The following PDE1C variants were observed in gnomAD, a reference collection of about 807,000 sequenced individuals.
The protein encoded by PDE1C is phosphodiesterase 1C.
A neutral mutation model predicts 93.1 loss-of-function variants in PDE1C; 62 were observed. The ratio of observed to expected loss-of-function variants is 0.67; its 90% CI spans 0.54 to 0.82. The LOEUF is 0.82. Ranked by LOEUF, PDE1C falls within the 40% of genes least tolerant of loss-of-function variation. The pLI, the probability that PDE1C is intolerant of heterozygous loss-of-function variation, is 0.00. For missense variants in PDE1C, 742 were observed against 884.6 expected (o/e 0.84, Z 2.04); for synonymous variants, 325 against 310.1 (o/e 1.05, Z -0.50).
chr7:32,022,331 A>G (rs1195408724), intron 2 of PDE1C, among the ~76,000 whole-genome samples: 1 of 152,136 alleles, frequency 6.6e-6, no homozygotes, highest in Admixed American at 6.6e-5. Context: ...TTAAAGGGCC[A>G]CAGACACAAT....
the PDE1C span, chr7:31,658,292 TG>T: frequency 6.7e-7 from 1 of 1,502,112 alleles, no homozygotes; most frequent in South Asian, 1.3e-5. Context: ...TCTGCAGAGC[TG>T]GATCCCTTTT....
At chr7:32,085,738 A>G (rs1356264417) in intron 3 of PDE1C, among the ~76,000 whole-genome samples, 2 of 151,836 alleles carry the variant, frequency 1.3e-5, no homozygotes, top group Admixed American at 6.6e-5. Flanking sequence ...TATAAACAGA[A>G]CCAAAGACAA....
intron 1 of PDE1C, among the ~76,000 whole-genome samples, chr7:32,234,500 T>C (rs1807934574): frequency 6.6e-6 from 1 of 152,044 alleles, no homozygotes; most frequent in African/African-American, 2.4e-5. Flanking sequence ...TGTATGCACA[T>C]AAGTTTCACA....
chr7:31,679,298 G>A, the PDE1C span, among the ~76,000 whole-genome samples: 4 of 152,116 alleles, frequency 2.6e-5, no homozygotes, highest in Non-Finnish European at 5.9e-5. Flanking sequence ...GTTTCCCACT[G>A]GGCTTTATGA....
At chr7:31,831,385 A>T (rs1468047662) in intron 11 of PDE1C, among the ~76,000 whole-genome samples, 3 of 152,156 alleles carry the variant, frequency 2.0e-5, no homozygotes, top group Non-Finnish European at 2.9e-5. Context: ...AATGCTGTAA[A>T]TATCAGAGAG....
chr7:31,855,924 T>A (rs1240091944), intron 7 of PDE1C, among the ~76,000 whole-genome samples: 3 of 151,896 alleles, frequency 2.0e-5, no homozygotes, highest in Non-Finnish European at 4.4e-5. Context: ...GAGCTTAGAA[T>A]CTAATGAACA....
intron 3 of PDE1C, among the ~76,000 whole-genome samples, chr7:32,127,866 C>CT (rs1799675205): frequency 6.6e-6 from 1 of 151,904 alleles, no homozygotes; most frequent in Non-Finnish European, 1.5e-5. Flanking sequence ...CAAAGATACT[C>CT]TAAGTTTTAC....
chr7:31,695,381 C>A, the PDE1C span: 1 of 1,241,442 alleles, frequency 8.1e-7, no homozygotes, highest in African/African-American at 1.5e-5. Flanking sequence ...TCTGTCCTGT[C>A]ATCAAGTGCA....
chr7:31,809,815 A>G (rs1787332739), intron 15 of PDE1C, among the ~76,000 whole-genome samples: 1 of 152,094 alleles, frequency 6.6e-6, no homozygotes, highest in African/African-American at 2.4e-5. Flanking sequence ...CTTCTCTCTC[A>G]GTCAAAAATC....
At chr7:31,629,151 AT>A in the PDE1C span, among the ~76,000 whole-genome samples, 1 of 152,216 alleles carries the variant, frequency 6.6e-6, no homozygotes, top group Non-Finnish European at 1.5e-5. Context: ...CTAAATTAAA[AT>A]TTGTCATTGC....
intron 17 of PDE1C, among the ~76,000 whole-genome samples, chr7:31,761,027 C>T (rs1794800923): frequency 1.8e-5 from 1 of 57,066 alleles, no homozygotes; most frequent in African/African-American, 7.3e-5. Flanking sequence ...AGATTTGATC[C>T]TGTGATTTTC....
At chr7:31,858,119 G>A (rs1183483601) in intron 7 of PDE1C, among the ~76,000 whole-genome samples, 1 of 152,172 alleles carries the variant, frequency 6.6e-6, no homozygotes, top group East Asian at 1.9e-4. Flanking sequence ...AGGTCTAAGA[G>A]AAGTGCCAGA....
At chr7:32,303,776 A>G (rs1183610456), upstream of PDE1C, among the ~76,000 whole-genome samples, 2 of 152,156 alleles carry the variant, frequency 1.3e-5, no homozygotes, top group African/African-American at 2.4e-5. Flanking sequence ...TGTTCATTCA[A>G]CTTTTTTTGA....
intron 2 of PDE1C, among the ~76,000 whole-genome samples, chr7:32,208,554 A>C (rs898736765): frequency 2.6e-5 from 4 of 152,160 alleles, no homozygotes; most frequent in African/African-American, 7.2e-5. Flanking sequence ...TCCAGGTGCG[A>C]AGACAGAGGC....
At chr7:32,005,555 CAAAA>C (rs59246166) in intron 2 of PDE1C, among the ~76,000 whole-genome samples, 15 of 50,760 alleles carry the variant, frequency 3.0e-4, no homozygotes, top group South Asian at 2.8e-3. Flanking sequence ...GACTCCATTT[CAAAA>C]AAAAAAAAAA....
intron 14 of PDE1C, 59 bp from the exon 15 acceptor site, chr7:31,816,213 G>C: frequency 6.8e-7 from 1 of 1,478,694 alleles, no homozygotes; most frequent in Non-Finnish European, 9.3e-7. Context: ...CATGCCGTTA[G>C]GAGAATGGCC....
At chr7:32,411,037 G>A (rs79616975) in intron 1 of PDE1C, among the ~76,000 whole-genome samples, 2,624 of 152,282 alleles carry the variant, frequency 0.017, 71 homozygotes, top group African/African-American at 0.06. Context: ...AAATATGCCC[G>A]AGTGTATACA....
chr7:31,645,226 T>A, the PDE1C span, among the ~76,000 whole-genome samples: 1 of 152,178 alleles, frequency 6.6e-6, no homozygotes, highest in Non-Finnish European at 1.5e-5. Flanking sequence ...AAGTGTAGAA[T>A]TAACATTAGA....
intron 3 of PDE1C, among the ~76,000 whole-genome samples, chr7:32,149,411 C>G (rs958291852): frequency 6.6e-6 from 1 of 152,212 alleles, no homozygotes; most frequent in African/African-American, 2.4e-5. Flanking sequence ...CACTGCTCAT[C>G]TGGGCAATTC....
Sources: gnomAD v4.1 joint callset for allele counts (sites outside exome capture counted in the v4.1 genomes callset) on GRCh38, gnomAD v4.1.1 for gene constraint, MANE v1.5 for transcripts, NCBI Gene and HGNC (gene_info 2026-07-23, HGNC 2026-07-21) for gene names.